ARMH3: variants seen among roughly 807,000 people sequenced by gnomAD.
ARMH3 encodes the protein armadillo-like helical domain-containing protein 3.
Under a neutral mutation model 99.1 loss-of-function variants are expected in ARMH3, and 60 were observed. That is an observed-to-expected ratio of 0.61 (90% CI 0.49 to 0.75). The LOEUF (loss-of-function observed/expected upper bound fraction) is 0.75, where lower values mean the gene tolerates loss of function less well. ARMH3 is among the 30% of genes least tolerant of loss of function. The probability of loss-of-function intolerance (pLI) is 0.00; values close to 1 mark genes in which losing one functional copy is unlikely to be tolerated. For missense variants in ARMH3, 679 were observed against 843.1 expected, an observed-to-expected ratio of 0.81 and a Z score of 2.41; for synonymous variants, 285 against 292.8, an observed-to-expected ratio of 0.97 and a Z score of 0.27.
intron 17 of ARMH3, 55 bp downstream of exon 17, chr10:101,993,483 C>A (rs1321849619): frequency 3.7e-6 from 5 of 1,358,966 alleles, no homozygotes; most frequent in East Asian, 2.3e-5. Flanking sequence ...CCCAACCCTG[C>A]CGACATACAA....
chr10:101,903,490 A>G (rs2135508503), intron 23 of ARMH3, among the ~76,000 whole-genome samples: 1 of 152,346 alleles, frequency 6.6e-6, no homozygotes, highest in East Asian at 1.9e-4. Flanking sequence ...ATGGAAGCAC[A>G]GAGGAGGGGT....
At chr10:101,982,184 C>T (rs1432697921) in intron 19 of ARMH3, among the ~76,000 whole-genome samples, 1 of 151,398 alleles carries the variant, frequency 6.6e-6, no homozygotes, top group African/African-American at 2.4e-5. Context: ...AGTTTGACAC[C>T]AACCTAGTCA....
chr10:101,956,174 C>T (rs994658705), intron 22 of ARMH3, among the ~76,000 whole-genome samples: 9 of 152,144 alleles, frequency 5.9e-5, no homozygotes, highest in Admixed American at 1.3e-4. Flanking sequence ...TGCCCACTTC[C>T]ACTTGTAAGT....
chr10:101,961,442 C>T (rs1845298283), intron 20 of ARMH3, among the ~76,000 whole-genome samples: 1 of 152,124 alleles, frequency 6.6e-6, no homozygotes, highest in African/African-American at 2.4e-5. Context: ...CCAAGATCCC[C>T]TTTCTTTAGA....
chr10:102,051,765 C>T (rs1376339106), intron 1 of ARMH3, among the ~76,000 whole-genome samples: 1 of 152,214 alleles, frequency 6.6e-6, no homozygotes, highest in Admixed American at 6.5e-5. Context: ...GTACCTACTA[C>T]AGGTCAACTA....
intron 23 of ARMH3, among the ~76,000 whole-genome samples, chr10:101,908,572 T>C (rs899448744): frequency 6.6e-6 from 1 of 152,088 alleles, no homozygotes; most frequent in African/African-American, 2.4e-5. Flanking sequence ...TAAAATCATA[T>C]CAGTTGAAAA....
At chr10:102,009,146 T>G (rs1397528193) in intron 13 of ARMH3, among the ~76,000 whole-genome samples, 1 of 152,134 alleles carries the variant, frequency 6.6e-6, no homozygotes, top group Non-Finnish European at 1.5e-5. Context: ...ATCAATAAAT[T>G]GGCCAAAAAA....
chr10:101,908,243 G>C (rs1195707661), intron 23 of ARMH3, among the ~76,000 whole-genome samples: 1 of 152,156 alleles, frequency 6.6e-6, no homozygotes, highest in African/African-American at 2.4e-5. Context: ...TGTTGGGCAG[G>C]TGTGTTGTTT....
At chr10:101,919,066 C>T (rs1012659295) in intron 23 of ARMH3, among the ~76,000 whole-genome samples, 13 of 152,268 alleles carry the variant, frequency 8.5e-5, no homozygotes, top group Admixed American at 5.2e-4. Context: ...TTATAGATCA[C>T]AGATATTACC....
intron 23 of ARMH3, among the ~76,000 whole-genome samples, chr10:101,915,860 G>C (rs1189568111): frequency 6.8e-6 from 1 of 146,500 alleles, no homozygotes; most frequent in Non-Finnish European, 1.5e-5. Context: ...TTGGACTGCA[G>C]TGGCACTACC....
At position 101,979,231 on chromosome 10, in the gene ARMH3, C is replaced by T. The variant is rs540746204; in HGVS notation, c.1407-3931G>A. Among the ~76,000 whole-genome samples the T allele has an allele frequency of 3.3e-5, 5 of 152,170 alleles. No individual in the cohort carries two copies. The South Asian group carries it at 1.0e-3, about 32-fold the overall frequency. ...CTAATACCCAAAAAGTCTAAACAAC[C>T]CAAATGTCTATCAATTAGTGAATGA... is the stretch of plus-strand genomic sequence containing the variant. On this transcript the variant is annotated intron_variant, in intron 19 of 25. Coordinates refer to ENST00000370033, the MANE Select transcript of ARMH3 (RefSeq NM_024541.3).
chr10:101,974,732 G>A (rs1357168390), intron 20 of ARMH3, among the ~76,000 whole-genome samples: 1 of 152,072 alleles, frequency 6.6e-6, no homozygotes, highest in African/African-American at 2.4e-5. Flanking sequence ...AATGCCAGAT[G>A]TAACACAAAG....
At chr10:102,031,672 G>T (rs966822039) in intron 4 of ARMH3, among the ~76,000 whole-genome samples, 4 of 152,172 alleles carry the variant, frequency 2.6e-5, no homozygotes, top group Admixed American at 2.6e-4. Context: ...TGCCTAACTA[G>T]TATGTTAGAA....
chr10:101,875,318 T>A lies in ARMH3; in HGVS notation c.1860+14094A>T, dbSNP rs1335772669. Among the ~76,000 whole-genome samples the A allele has an allele frequency of 2.6e-5, 4 of 152,128 alleles. No homozygotes were observed. In the South Asian group the frequency reaches 6.2e-4, roughly 24 times the overall value. ...ACCTCATCGAGTGAGCATCCCTCCC[T>A]CCACTGGGTGCTTATAGTGACTTTC... On this transcript the variant is annotated intron_variant, in intron 24 of 25. Transcript: ENST00000370033.
chr10:101,861,493 G>A (rs896421035), intron 24 of ARMH3, among the ~76,000 whole-genome samples: 1 of 152,184 alleles, frequency 6.6e-6, no homozygotes, highest in Non-Finnish European at 1.5e-5. Flanking sequence ...AGCACTCTGG[G>A]AGGCTGAGGC....
intron 22 of ARMH3, among the ~76,000 whole-genome samples, chr10:101,944,324 A>T (rs1452608656): frequency 1.6e-5 from 2 of 121,832 alleles, no homozygotes; most frequent in Non-Finnish European, 3.3e-5. Context: ...AGAGAGAGAG[A>T]GAGAGTCCAA....
intron 23 of ARMH3, among the ~76,000 whole-genome samples, chr10:101,890,227 C>CATATAT (rs921545002): frequency 6.8e-6 from 1 of 147,966 alleles, no homozygotes; most frequent in African/African-American, 2.5e-5. Context: ...CTCTTTTTTT[C>CATATAT]ATATATATAT....
intron 24 of ARMH3, among the ~76,000 whole-genome samples, chr10:101,873,517 G>A (rs1822292338): frequency 1.3e-5 from 2 of 151,820 alleles, no homozygotes; most frequent in South Asian, 4.2e-4. Flanking sequence ...AAATTCATTC[G>A]CTTAAAGTGT....
chr10:101,972,296 T>C (rs946021222), intron 20 of ARMH3, among the ~76,000 whole-genome samples: 2 of 152,200 alleles, frequency 1.3e-5, no homozygotes, highest in African/African-American at 4.8e-5. Context: ...ACAGTGATAC[T>C]AAACACCCAC....
Sources: gnomAD v4.1 joint callset for allele counts (sites outside exome capture counted in the v4.1 genomes callset) on GRCh38, gnomAD v4.1.1 for gene constraint, MANE v1.5 for transcripts, NCBI Gene and HGNC (gene_info 2026-07-23, HGNC 2026-07-21) for gene names.